Variants in FSD1L observed in about 807,000 individuals in gnomAD.
FSD1L encodes the protein FSD1-like protein.
Under a neutral mutation model 71.6 loss-of-function variants are expected in FSD1L, and 45 were observed. The observed-to-expected ratio is 0.63, with a 90% CI of 0.49 to 0.81. FSD1L has a LOEUF of 0.81. FSD1L is among the 30% of genes least tolerant of loss of function. The pLI is 0.00. For missense variants in FSD1L, 561 were observed against 618.1 expected (o/e 0.91, Z 0.98); for synonymous variants, 197 against 207.2 (o/e 0.95, Z 0.42).
intron 10 of FSD1L, chr9:105,521,877 G>A (rs1186595672): frequency 6.2e-7 from 1 of 1,612,260 alleles, no homozygotes; most frequent in South Asian, 1.1e-5. Flanking sequence ...ATTTCTTCTT[G>A]AACCTGCAAA....
intron 3 of FSD1L, among the ~76,000 whole-genome samples, chr9:105,467,246 C>T (rs1831144208): frequency 6.6e-6 from 1 of 152,048 alleles, no homozygotes; most frequent in Admixed American, 6.6e-5. Flanking sequence ...TTTTTATAAA[C>T]ATTATAAGCA....
chr9:105,518,934 G>C (rs527475206), intron 10 of FSD1L, among the ~76,000 whole-genome samples: 1 of 152,218 alleles, frequency 6.6e-6, no homozygotes, highest in South Asian at 2.1e-4. Flanking sequence ...GAAAAAAAGA[G>C]AGAAGAATCA....
At chr9:105,527,716 AAG>A (rs1554715129) in intron 10 of FSD1L, among the ~76,000 whole-genome samples, 18 of 148,884 alleles carry the variant, frequency 1.2e-4, no homozygotes, top group African/African-American at 4.6e-4. Flanking sequence ...AAAAAAAAAA[AAG>A]AAAAGAAAAC....
intron 6 of FSD1L, among the ~76,000 whole-genome samples, chr9:105,481,664 C>T (rs912694821): frequency 2.0e-5 from 3 of 151,828 alleles, no homozygotes; most frequent in Non-Finnish European, 2.9e-5. Flanking sequence ...TTTTGGTACT[C>T]GCCAAAAGTG....
At chr9:105,513,971 T>G (rs1326016112) in intron 10 of FSD1L, among the ~76,000 whole-genome samples, 2 of 152,240 alleles carry the variant, frequency 1.3e-5, no homozygotes, top group African/African-American at 4.8e-5. Flanking sequence ...TCTAACATTA[T>G]AGCTTCGCTT....
rs1407444908 is a variant in FSD1L, at chr9:105,471,901, T to C, written c.340-3T>C. 4 of 1,042,090 alleles carry C rather than the reference T, an allele frequency of 3.8e-6. No individual in the cohort carries two copies. Among genetic ancestry groups the C allele is most frequent in the Non-Finnish European group, 5.2e-6 (4 of 772,766 alleles). 64.6% of individuals were successfully genotyped at this position (1,042,090 alleles called of 1,614,324 possible). Reference sequence around the variant, plus strand: ...GACTTAGTTTTTTTTTTTTTTTCCCTAGAGTCAGATTAGTCAATGTAATAA... The same window carrying C: ...GACTTAGTTTTTTTTTTTTTTTCCCCAGAGTCAGATTAGTCAATGTAATAA... On this transcript the variant is annotated splice_region_variant and splice_polypyrimidine_tract_variant and intron_variant, in intron 4 of 13. Transcript: ENST00000481272.
chr9:105,443,715 T>A (rs922240325), upstream of FSD1L, among the ~76,000 whole-genome samples: 3 of 152,126 alleles, frequency 2.0e-5, no homozygotes, highest in Non-Finnish European at 4.4e-5. Context: ...GAGGACTGCT[T>A]GAGGCCAGGA....
At chr9:105,520,050 C>G in intron 10 of FSD1L, 1 of 1,514,686 alleles carries the variant, frequency 6.6e-7, no homozygotes, top group Non-Finnish European at 8.8e-7. Context: ...TAGTCTCCTC[C>G]CCGTCCACTC....
Position 105,496,347 on chromosome 9 carries a change from C to T in FSD1L, c.587-10052C>T, listed in dbSNP as rs553116232. ...GTTTCAGTCTTCCAACTTTGATCTT[C>T]TTTTTCAATACTGTGTTGCCTTTAT... is the stretch of plus-strand genomic sequence containing the variant. On this transcript the variant is annotated intron_variant, in intron 7 of 13. Coordinates refer to ENST00000481272, the MANE Select transcript of FSD1L (RefSeq NM_001145313.3). Among the ~76,000 whole-genome samples, 5 of 151,838 alleles carry T rather than the reference C, an allele frequency of 3.3e-5. No individual in the cohort carries two copies. The East Asian group carries it at 9.8e-4, about 30-fold the overall frequency.
At chr9:105,526,108 T>C (rs1447571712) in intron 10 of FSD1L, 4 of 1,551,630 alleles carry the variant, frequency 2.6e-6, no homozygotes, top group Non-Finnish European at 2.7e-6. Context: ...GGTTCCCTTC[T>C]TTGGTCCCCT....
At chr9:105,539,843 G>A (rs1486073617) in intron 13 of FSD1L, among the ~76,000 whole-genome samples, 3 of 152,144 alleles carry the variant, frequency 2.0e-5, no homozygotes, top group African/African-American at 7.2e-5. Context: ...TCTCATAGCT[G>A]TATAGTTTTC....
At chr9:105,484,176 G>A (rs1323077005) in intron 6 of FSD1L, among the ~76,000 whole-genome samples, 1 of 151,950 alleles carries the variant, frequency 6.6e-6, no homozygotes, top group Non-Finnish European at 1.5e-5. Flanking sequence ...CTAACCAGTT[G>A]TCTTAAATGT....
rs1036632230 is a variant in FSD1L at position 105,448,101 on chromosome 9, C to A, written c.-120C>A. On this transcript the variant is annotated 5_prime_UTR_variant, in exon 1 of 14. Transcript: ENST00000481272. ...CTGGGCGCGGACGGGTGGGGCCGGG[C>A]GGTGCCGGTGCGGGCTGGGGCAGTG... 7 of 1,124,722 alleles carry A rather than the reference C, an allele frequency of 6.2e-6. No homozygotes were observed. The highest frequency in any genetic ancestry group is 2.7e-5 in the South Asian group (2 of 74,634). 69.7% of individuals were successfully genotyped at this position (1,124,722 alleles called of 1,614,324 possible). A position where few individuals can be genotyped will look rare whatever the true frequency, so the allele number is the denominator to read the frequency against.
chr9:105,523,839 T>A, intron 10 of FSD1L: 1 of 1,597,568 alleles, frequency 6.3e-7, no homozygotes, highest in Non-Finnish European at 8.6e-7. Context: ...CAAACACTGC[T>A]CACCTCAATT....
intron 2 of FSD1L, among the ~76,000 whole-genome samples, chr9:105,463,473 A>G (rs1474148119): frequency 2.6e-5 from 4 of 152,204 alleles, no homozygotes; most frequent in Admixed American, 2.6e-4. Flanking sequence ...ACATTTGACT[A>G]TATAAACTTA....
intron 12 of FSD1L, among the ~76,000 whole-genome samples, chr9:105,538,491 T>A (rs916704400): frequency 1.3e-5 from 2 of 152,172 alleles, no homozygotes; most frequent in African/African-American, 4.8e-5. Context: ...AGGGTTATGA[T>A]ACAAACCAAG....
At chr9:105,442,870 T>C (rs1450451474), upstream of FSD1L, among the ~76,000 whole-genome samples, 1 of 152,232 alleles carries the variant, frequency 6.6e-6, no homozygotes, top group African/African-American at 2.4e-5. Context: ...TTTTGTTGAA[T>C]GGAAATCCAT....
At chr9:105,479,709 G>T (rs1474267371) in intron 6 of FSD1L, among the ~76,000 whole-genome samples, 1 of 152,146 alleles carries the variant, frequency 6.6e-6, no homozygotes, top group Non-Finnish European at 1.5e-5. Flanking sequence ...TCTGGAATGT[G>T]TTTTTTGTTG....
At chr9:105,524,596 A>T in intron 10 of FSD1L, 1 of 1,613,840 alleles carries the variant, frequency 6.2e-7, no homozygotes. Flanking sequence ...AATCCAAGGT[A>T]TTTTCCCATG....
Sources: gnomAD v4.1 joint callset for allele counts (sites outside exome capture counted in the v4.1 genomes callset) on GRCh38, gnomAD v4.1.1 for gene constraint, MANE v1.5 for transcripts, NCBI Gene and HGNC (gene_info 2026-07-23, HGNC 2026-07-21) for gene names.